The following AGAP1 variants were observed in gnomAD, a reference collection of about 807,000 sequenced individuals.
AGAP1 encodes arf-GAP with GTPase, ANK repeat and PH domain-containing protein 1.
AGAP1 carries 29 observed loss-of-function variants against 105.3 expected under a neutral mutation model. The observed-to-expected ratio is 0.28, with a 90% confidence interval of 0.21 to 0.38. AGAP1 has a LOEUF of 0.38. Among genes scored for constraint, AGAP1 ranks in the 10% least tolerant of loss-of-function variants. The probability of loss-of-function intolerance (pLI) is 1.00; values close to 1 mark genes in which losing one functional copy is unlikely to be tolerated. For missense variants in AGAP1, 998 were observed against 1,165.1 expected (o/e 0.86, Z 2.09); for synonymous variants, 509 against 485.9 (o/e 1.05, Z -0.63).
rs75466957 is a variant in AGAP1, at chr2:235,666,231, A to T, written c.164-42948A>T. On this transcript the variant is annotated intron_variant, in intron 1 of 17. Transcript: ENST00000304032. ...ATGCTTTAAAAAAAAAAAAATGGTGATATGCTCCATGGCATGAAAAAATTC... is the reference window on the plus strand; with the variant it reads ...ATGCTTTAAAAAAAAAAAAATGGTGTTATGCTCCATGGCATGAAAAAATTC... Among the ~76,000 whole-genome samples the T allele has an allele frequency of 1.1e-3, 174 of 152,200 alleles. 3 individuals carry two copies. In the East Asian group the frequency reaches 0.027, roughly 23 times the overall value.
At chr2:236,077,976 G>A (rs1334695676) in intron 16 of AGAP1, among the ~76,000 whole-genome samples, 1 of 151,502 alleles carries the variant, frequency 6.6e-6, no homozygotes, top group Non-Finnish European at 1.5e-5. Flanking sequence ...GCTTCAATTG[G>A]GTCTTTGCTC....
At chr2:235,567,777 G>A (rs909621825) in intron 1 of AGAP1, among the ~76,000 whole-genome samples, 1 of 151,870 alleles carries the variant, frequency 6.6e-6, no homozygotes, top group African/African-American at 2.4e-5. Context: ...ACTGTGGGGG[G>A]CGGCTGAGGA....
chr2:236,023,531 C>T (rs775629969), intron 13 of AGAP1, among the ~76,000 whole-genome samples: 31 of 152,136 alleles, frequency 2.0e-4, no homozygotes, highest in African/African-American at 6.8e-4. Flanking sequence ...GTGTTCACCA[C>T]GGCTTTGTGG....
At chr2:235,546,502 G>A (rs866963691) in intron 1 of AGAP1, among the ~76,000 whole-genome samples, 1 of 152,170 alleles carries the variant, frequency 6.6e-6, no homozygotes, top group Non-Finnish European at 1.5e-5. Context: ...CCTGGGACCC[G>A]CATGTCTGTC....
chr2:235,521,240 A>G (rs1942602565), intron 1 of AGAP1, among the ~76,000 whole-genome samples: 1 of 152,114 alleles, frequency 6.6e-6, no homozygotes, highest in Non-Finnish European at 1.5e-5. Context: ...AATCACATGG[A>G]ATTGGTCTTC....
chr2:235,937,335 G>A lies in AGAP1; in HGVS notation c.1483+6412G>A, dbSNP rs185508444. On this transcript the variant is annotated intron_variant, in intron 12 of 17. Coordinates refer to ENST00000304032, the MANE Select transcript of AGAP1 (RefSeq NM_001037131.3). ...ATGTGGCCGAGGAGCAGGCAGAAGC[G>A]TCCTGGGGTAACTGGACACAGGGGG... Among the ~76,000 whole-genome samples the A allele has an allele frequency of 2.4e-3, 360 of 152,338 alleles. 4 individuals are homozygous for A. In the Middle Eastern group the frequency reaches 0.041, roughly 17 times the overall value.
chr2:235,673,358 A>G (rs558862161), intron 1 of AGAP1, among the ~76,000 whole-genome samples: 49 of 152,362 alleles, frequency 3.2e-4, no homozygotes, highest in Admixed American at 3.9e-4. Flanking sequence ...GCCCAAGCTC[A>G]GTTTCCCTGT....
intron 1 of AGAP1, among the ~76,000 whole-genome samples, chr2:235,646,579 T>C (rs1453708204): frequency 6.6e-6 from 1 of 152,218 alleles, no homozygotes; most frequent in African/African-American, 2.4e-5. Flanking sequence ...AATTTTAACA[T>C]GACATGCTTG....
At chr2:235,703,805 G>C (rs7601161) in intron 1 of AGAP1, among the ~76,000 whole-genome samples, 2 of 151,870 alleles carry the variant, frequency 1.3e-5, no homozygotes, top group Non-Finnish European at 2.9e-5. Context: ...CCATGTTGAC[G>C]AGGCTAGTCT....
At position 235,830,574 on chromosome 2, in the gene AGAP1, C is replaced by G. The variant is rs1336514313; in HGVS notation, c.1050+23243C>G. The stretch of plus-strand genomic sequence containing the variant: ...TCAGAAGTGTTGCATGCTGAGCACT[C>G]TTTGTGAGATACTTTGGGGGCTCAG... On this transcript the variant is annotated intron_variant, in intron 9 of 17. Coordinates refer to ENST00000304032, the MANE Select transcript of AGAP1 (RefSeq NM_001037131.3). This position sits in a 1 kb window ranked among gnomAD's most constrained non-coding sequence, Gnocchi z 5.5. 7.1e-6 allele frequency among the ~76,000 whole-genome samples: 1 copy of G among 140,138 alleles called. No individual in the cohort carries two copies. Among genetic ancestry groups the G allele is most frequent in the Non-Finnish European group, 1.5e-5 (1 of 66,570 alleles). The allele number at this position is 140,138 out of a possible 152,430, so 91.9% of individuals were successfully genotyped here. A position where few individuals can be genotyped will look rare whatever the true frequency, so the allele number is the denominator to read the frequency against.
chr2:236,050,693 A>G lies in AGAP1; in HGVS notation c.2114+1412A>G, dbSNP rs1480738037. ...TAGATTGAGCTTAATATATGAATGC[A>G]GAAAACATTGAAATAAGCTGGAAAA... is the stretch of plus-strand genomic sequence containing the variant. On this transcript the variant is annotated intron_variant, in intron 16 of 17. Coordinates refer to ENST00000304032, the MANE Select transcript of AGAP1 (RefSeq NM_001037131.3). The surrounding 1 kb of genome is among the most constrained non-coding windows in gnomAD (Gnocchi z 4.0). 6.6e-6 allele frequency among the ~76,000 whole-genome samples: 1 copy of G among 152,266 alleles called. No individual in the cohort carries two copies. Among genetic ancestry groups the G allele is most frequent in the African/African-American group, 2.4e-5 (1 of 41,476 alleles).
In AGAP1 at chr2:235,553,297, G is replaced by A. The variant is rs867779243; in HGVS notation, c.163+58448G>A. 6.6e-6 allele frequency among the ~76,000 whole-genome samples: 1 copy of A among 151,914 alleles called. No individual in the cohort carries two copies. Among genetic ancestry groups the A allele is most frequent in the South Asian group, 2.1e-4 (1 of 4,802 alleles). On this transcript the variant is annotated intron_variant, in intron 1 of 17. Coordinates refer to ENST00000304032, the MANE Select transcript of AGAP1 (RefSeq NM_001037131.3). The surrounding 1 kb of genome is among the most constrained non-coding windows in gnomAD (Gnocchi z 4.5). ...TGAGATCAAGAGATGACCAACGACT[G>A]GACATCTGGGAGGCAGTGGGGGTCA...
At chr2:235,514,724 G>A (rs765577283) in intron 1 of AGAP1, among the ~76,000 whole-genome samples, 14 of 152,352 alleles carry the variant, frequency 9.2e-5, no homozygotes, top group Non-Finnish European at 1.9e-4. Context: ...TGGGCTGCAC[G>A]TCTCTCCCCA....
chr2:235,515,568 T>C (rs1436360056), intron 1 of AGAP1, among the ~76,000 whole-genome samples: 1 of 152,166 alleles, frequency 6.6e-6, no homozygotes, highest in Non-Finnish European at 1.5e-5. Context: ...TCAGGCGTCA[T>C]GGGTATCATT....
chr2:235,952,610 T>TTAA (rs1553688077), intron 12 of AGAP1, among the ~76,000 whole-genome samples: 1 of 151,944 alleles, frequency 6.6e-6, no homozygotes, highest in African/African-American at 2.4e-5. Context: ...TGTTTTTTTT[T>TTAA]AAAAAAAACT....
chr2:235,739,528 C>G lies in AGAP1; in HGVS notation c.311-1435C>G, dbSNP rs1952453429. Reference sequence around the variant, plus strand: ...CTTGTTTCAGTGACTGGGGGGACAGCAAAATGAGAGTTTATCTGCTTTAAC... The same window carrying G: ...CTTGTTTCAGTGACTGGGGGGACAGGAAAATGAGAGTTTATCTGCTTTAAC... On this transcript the variant is annotated intron_variant, in intron 3 of 17. Transcript: ENST00000304032. The surrounding 1 kb of genome is among the most constrained non-coding windows in gnomAD (Gnocchi z 5.3). Among the ~76,000 whole-genome samples the G allele has an allele frequency of 1.3e-5, 2 of 152,210 alleles. No individual in the cohort carries two copies.
intron 10 of AGAP1, among the ~76,000 whole-genome samples, chr2:235,903,885 C>T (rs1489653636): frequency 1.3e-5 from 2 of 152,104 alleles, no homozygotes; most frequent in Non-Finnish European, 2.9e-5. Flanking sequence ...GATACAGCAG[C>T]GAATCAATTA....
rs1355399639 is a variant in AGAP1 at position 235,586,175 on chromosome 2, A to G, written c.163+91326A>G. Among the ~76,000 whole-genome samples the G allele has an allele frequency of 1.3e-5, 2 of 152,148 alleles. No individual in the cohort carries two copies. Among genetic ancestry groups the G allele is most frequent in the South Asian group, 2.1e-4 (1 of 4,820 alleles). On this transcript the variant is annotated intron_variant, in intron 1 of 17. Transcript: ENST00000304032. The surrounding 1 kb of genome is among the most constrained non-coding windows in gnomAD (Gnocchi z 4.2). ...GGCCATTGTCTCCGTGTAAGTCAAC[A>G]CTACCTTGTGTGTGTGCGCATACAC...
At chr2:235,765,761 C>G (rs1414301801) in intron 6 of AGAP1, among the ~76,000 whole-genome samples, 2 of 152,186 alleles carry the variant, frequency 1.3e-5, no homozygotes, top group African/African-American at 4.8e-5. Context: ...AGAAAACTCT[C>G]TCATTCAACG....
Sources: allele counts gnomAD v4.1 joint callset (sites outside exome capture counted in the v4.1 genomes callset), GRCh38; gene constraint gnomAD v4.1.1; non-coding constraint Gnocchi (gnomAD v3.1); transcripts MANE v1.5; gene names NCBI Gene and HGNC (gene_info 2026-07-23, HGNC 2026-07-21).